Variants in PCDH15 observed in about 807,000 individuals in gnomAD.
PCDH15 encodes protocadherin-15.
PCDH15 carries 129 observed loss-of-function variants against 178.5 expected under a neutral mutation model. The observed-to-expected ratio is 0.72, with a 90% CI of 0.63 to 0.84. The LOEUF is 0.84. PCDH15 is among the 40% of genes least tolerant of loss of function. The pLI is 0.00. For synonymous variants in PCDH15, 800 were observed against 732.0 expected (o/e 1.09, Z -1.50); for missense variants, 2,230 against 2,099.9 (o/e 1.06, Z -1.21).
At chr10:54,840,120 C>A (rs993325266) in intron 3 of PCDH15, among the ~76,000 whole-genome samples, 1 of 151,964 alleles carries the variant, frequency 6.6e-6, no homozygotes, top group African/African-American at 2.4e-5. Flanking sequence ...AAGTTTCAAA[C>A]TCACTGGTAT....
intron 3 of PCDH15, among the ~76,000 whole-genome samples, chr10:54,496,940 A>G (rs1275088359): frequency 2.0e-5 from 3 of 152,068 alleles, no homozygotes; most frequent in African/African-American, 4.8e-5. Context: ...ACATTATCAC[A>G]TTACCAAGGA....
chr10:55,598,693 A>C (rs2132140616), intron 2 of PCDH15, among the ~76,000 whole-genome samples: 1 of 151,876 alleles, frequency 6.6e-6, no homozygotes, highest in African/African-American at 2.4e-5. Context: ...AAGAGGATTT[A>C]GTAGTAAATC....
intron 3 of PCDH15, among the ~76,000 whole-genome samples, chr10:54,823,950 A>C (rs1305579904): frequency 6.6e-6 from 1 of 152,134 alleles, no homozygotes; most frequent in Non-Finnish European, 1.5e-5. Flanking sequence ...AAGACAAACA[A>C]ATTTATTTTA....
chr10:55,058,535 A>G (rs1841360194), intron 2 of PCDH15, among the ~76,000 whole-genome samples: 1 of 152,090 alleles, frequency 6.6e-6, no homozygotes, highest in Non-Finnish European at 1.5e-5. Flanking sequence ...AATTGCAAAC[A>G]TCCACTTATC....
chr10:53,962,804 G>C (rs2088504258), intron 21 of PCDH15, among the ~76,000 whole-genome samples: 1 of 152,176 alleles, frequency 6.6e-6, no homozygotes, highest in Non-Finnish European at 1.5e-5. Context: ...TCAAAATTTT[G>C]CTGGCTGTCC....
chr10:55,460,129 G>A (rs1839641786), intron 2 of PCDH15, among the ~76,000 whole-genome samples: 1 of 151,874 alleles, frequency 6.6e-6, no homozygotes, highest in African/African-American at 2.4e-5. Flanking sequence ...TACGAATCAG[G>A]AGAATGATGC....
chr10:54,525,067 TAA>T (rs1377311318), intron 3 of PCDH15, among the ~76,000 whole-genome samples: 1 of 152,232 alleles, frequency 6.6e-6, no homozygotes, highest in African/African-American at 2.4e-5. Flanking sequence ...CCACAAATTA[TAA>T]AAGTCTTTGA....
intron 3 of PCDH15, among the ~76,000 whole-genome samples, chr10:54,462,505 TTCTTTTC>T (rs1166603310): frequency 2.3e-5 from 3 of 128,284 alleles, no homozygotes; most frequent in East Asian, 4.6e-4. Flanking sequence ...CTTTTTCTTT[TTCTTTTC>T]TTTTTTTTTT....
At position 53,871,722 on chromosome 10, in the gene PCDH15, C is replaced by CTTGTTTTGTT. The variant is rs201361066; in HGVS notation, c.3502-4875_3502-4866dup. Reference sequence around the variant, plus strand: ...CAGCTCTCCTTTATTGCTTCCAGTTCTTGTTTTGTTTTGTTTTGTTTTGTT... The same window carrying CTTGTTTTGTT: ...CAGCTCTCCTTTATTGCTTCCAGTTCTTGTTTTGTTTTGTTTTGTTTTGTTTTGTTTTGTT... On this transcript the variant is annotated intron_variant, in intron 26 of 37. Coordinates refer to ENST00000644397, the MANE Select transcript of PCDH15 (RefSeq NM_001384140.1). Among the ~76,000 whole-genome samples, 341 of 149,580 alleles carry CTTGTTTTGTT rather than the reference C, an allele frequency of 2.3e-3. 1 individual carries two copies. The highest frequency in any genetic ancestry group is 6.7e-3 in the African/African-American group (268 of 40,014).
At chr10:54,081,746 A>T in intron 16 of PCDH15, among the ~76,000 whole-genome samples, 1 of 151,810 alleles carries the variant, frequency 6.6e-6, no homozygotes, top group East Asian at 1.9e-4. Context: ...CACATATTAA[A>T]AATACATAAG....
At chr10:54,607,888 CA>C in intron 2 of PCDH15, 1 of 527,504 alleles carries the variant, frequency 1.9e-6, no homozygotes, top group Non-Finnish European at 3.9e-6. Flanking sequence ...TAGGTTGGTC[CA>C]AAAGTAATTA....
chr10:55,514,453 A>G (rs1840961497), intron 2 of PCDH15, among the ~76,000 whole-genome samples: 4 of 152,198 alleles, frequency 2.6e-5, no homozygotes, highest in African/African-American at 9.6e-5. Flanking sequence ...GAAAAGGCCT[A>G]CAAATTTATT....
chr10:54,262,754 C>A (rs577075807), intron 8 of PCDH15, among the ~76,000 whole-genome samples: 1 of 152,320 alleles, frequency 6.6e-6, no homozygotes, highest in Admixed American at 6.5e-5. Context: ...CTTTGCAAGA[C>A]CAGACAACGA....
chr10:53,888,318 G>A (rs76356280), intron 26 of PCDH15, among the ~76,000 whole-genome samples: 14,086 of 90,502 alleles, frequency 0.16, 2,092 homozygotes, highest in African/African-American at 0.24. Flanking sequence ...ATGTATATAT[G>A]TACGTATATA....
chr10:54,466,139 C>G (rs991735598), intron 3 of PCDH15, among the ~76,000 whole-genome samples: 57 of 151,878 alleles, frequency 3.8e-4, no homozygotes, highest in African/African-American at 1.4e-3. Context: ...CATATATTTT[C>G]TCCCAGTTCT....
chr10:53,966,132 T>C (rs1035318430), intron 21 of PCDH15, among the ~76,000 whole-genome samples: 10 of 152,010 alleles, frequency 6.6e-5, no homozygotes, highest in South Asian at 4.2e-4. Flanking sequence ...TGAACATACA[T>C]GTTACATAGT....
chr10:55,586,439 T>C (rs1463558611), intron 2 of PCDH15, among the ~76,000 whole-genome samples: 3 of 152,114 alleles, frequency 2.0e-5, no homozygotes, highest in Admixed American at 6.5e-5. Flanking sequence ...TGAAACCCAT[T>C]GGATTCAAAA....
intron 3 of PCDH15, among the ~76,000 whole-genome samples, chr10:54,395,636 T>C (rs1273274814): frequency 2.6e-5 from 4 of 151,632 alleles, no homozygotes; most frequent in Non-Finnish European, 4.4e-5. Flanking sequence ...GACATTAAGT[T>C]TATACACACA....
chr10:54,865,672 C>T (rs1953926185), intron 3 of PCDH15, among the ~76,000 whole-genome samples: 1 of 152,038 alleles, frequency 6.6e-6, no homozygotes, highest in South Asian at 2.1e-4. Flanking sequence ...CAAACCATAT[C>T]ACAATGTGAT....
Sources: gnomAD v4.1 joint callset for allele counts (sites outside exome capture counted in the v4.1 genomes callset) on GRCh38, gnomAD v4.1.1 for gene constraint, MANE v1.5 for transcripts, NCBI Gene and HGNC (gene_info 2026-07-23, HGNC 2026-07-21) for gene names.